Variants in PGR observed in about 807,000 individuals in gnomAD.
PGR encodes the protein nuclear receptor subfamily 3 group C member 3.
PGR carries 25 observed loss-of-function variants against 76.1 expected under a neutral mutation model. The observed-to-expected ratio is 0.33, with a 90% CI of 0.24 to 0.46. The LOEUF (loss-of-function observed/expected upper bound fraction) is 0.46, where lower values mean the gene tolerates loss of function less well. PGR is among the 20% of genes least tolerant of loss of function. The pLI is 1.00. For synonymous variants in PGR, 579 were observed against 535.0 expected, an observed-to-expected ratio of 1.08 and a Z score of -1.14; for missense variants, 1,172 against 1,225.3, an observed-to-expected ratio of 0.96 and a Z score of 0.65.
At chr11:101,078,612 C>G (rs1166928206) in intron 3 of PGR, among the ~76,000 whole-genome samples, 1 of 152,152 alleles carries the variant, frequency 6.6e-6, no homozygotes, top group African/African-American at 2.4e-5. Flanking sequence ...CAAAAGTTCA[C>G]TGTGACCTGT....
chr11:101,059,631 C>G (rs1199779167), intron 4 of PGR, among the ~76,000 whole-genome samples: 1 of 151,720 alleles, frequency 6.6e-6, no homozygotes, highest in Non-Finnish European at 1.5e-5. Flanking sequence ...TCCAGGAGTT[C>G]AAGACCAGCC....
chr11:101,056,404 C>A (rs373546036), intron 4 of PGR, among the ~76,000 whole-genome samples: 12 of 151,868 alleles, frequency 7.9e-5, no homozygotes, highest in Non-Finnish European at 1.3e-4. Context: ...CTTTGGGAGG[C>A]GAGGCAGGAG....
At chr11:101,091,642 C>T in intron 3 of PGR, 118 bp downstream of exon 3, 1 of 710,638 alleles carries the variant, frequency 1.4e-6, no homozygotes, top group Non-Finnish European at 2.6e-6. Flanking sequence ...GAGTCACTGC[C>T]AATAATCAAG....
At chr11:101,110,442 T>C (rs371041132) in intron 2 of PGR, among the ~76,000 whole-genome samples, 2 of 152,286 alleles carry the variant, frequency 1.3e-5, no homozygotes, top group Non-Finnish European at 1.5e-5. Flanking sequence ...AGTAACTGCA[T>C]ATGTGGTAGG....
At chr11:101,059,854 A>AAG (rs1860424927) in intron 4 of PGR, among the ~76,000 whole-genome samples, 2 of 136,642 alleles carry the variant, frequency 1.5e-5, no homozygotes, top group Non-Finnish European at 3.3e-5. Context: ...AAAAAAAAAA[A>AAG]AAAAAAAGAA....
rs1859348104 is a variant in PGR at position 101,031,449 on chromosome 11, GA to G, written c.*7666del. ...GAAATTGAATAAGGTAATCCAAAAA[GA>G]AGGCTCTTTTAGATGAAAAAACATG... On this transcript the variant is annotated 3_prime_UTR_variant, in exon 8 of 8. Coordinates refer to ENST00000325455, the MANE Select transcript of PGR (RefSeq NM_000926.4). 1 of 228,614 alleles carries G rather than the reference GA, an allele frequency of 4.4e-6. No homozygotes were observed. Among genetic ancestry groups the G allele is most frequent in the South Asian group, 1.8e-4 (1 of 5,492 alleles). 14.2% of individuals were successfully genotyped at this position (228,614 alleles called of 1,614,324 possible).
intron 2 of PGR, among the ~76,000 whole-genome samples, chr11:101,120,883 T>C (rs1236245350): frequency 1.3e-5 from 2 of 152,236 alleles, no homozygotes; most frequent in Non-Finnish European, 2.9e-5. Flanking sequence ...CACGCATGGC[T>C]AATACCACTG....
chr11:101,055,907 T>C (rs1025167105), intron 4 of PGR, among the ~76,000 whole-genome samples: 14 of 152,350 alleles, frequency 9.2e-5, no homozygotes, highest in African/African-American at 2.9e-4. Context: ...CCAATATTTA[T>C]AGCAGAAACT....
At chr11:101,076,975 A>G (rs1479969885) in intron 3 of PGR, among the ~76,000 whole-genome samples, 1 of 99,442 alleles carries the variant, frequency 1.0e-5, no homozygotes, top group Admixed American at 1.2e-4. Flanking sequence ...ACTGCCTCAT[A>G]ATTACCTCTT....
chr11:101,099,955 C>T (rs1175758524), intron 2 of PGR, among the ~76,000 whole-genome samples: 1 of 152,184 alleles, frequency 6.6e-6, no homozygotes, highest in Non-Finnish European at 1.5e-5. Flanking sequence ...CTTATTTGTT[C>T]TTCCCTTTAG....
At chr11:101,113,137 CAA>C (rs1196170903) in intron 2 of PGR, among the ~76,000 whole-genome samples, 1 of 152,172 alleles carries the variant, frequency 6.6e-6, no homozygotes, top group African/African-American at 2.4e-5. Flanking sequence ...GAATCATCCC[CAA>C]AGACTTGTTT....
rs189744061 is a variant in PGR at position 101,073,708 on chromosome 11, T to C, written c.1907-10956A>G. ...TCAGAGAATACTATAAACACCTCTA[T>C]GAAAATAAACTAGAAAATCTAGAAG... On this transcript the variant is annotated intron_variant, in intron 3 of 7. Coordinates refer to ENST00000325455, the MANE Select transcript of PGR (RefSeq NM_000926.4). Among the ~76,000 whole-genome samples, 425 of 152,102 alleles carry C rather than the reference T, an allele frequency of 2.8e-3. 1 individual carries two copies. Among genetic ancestry groups the C allele is most frequent in the African/African-American group, 9.9e-3 (410 of 41,518 alleles).
rs1306733063 is a variant in PGR at position 101,127,967 on chromosome 11, C to T, written c.1104G>A (p.Glu368=). The part of the protein sequence containing the change: ...FPDCAYPPDA[E]PKDDAYPLYS... Reference sequence around the variant, plus strand: ...AGAGAGGGTACGCGTCGTCCTTGGGCTCGGCGTCGGGCGGGTACGCGCAGT... The same window carrying T: ...AGAGAGGGTACGCGTCGTCCTTGGGTTCGGCGTCGGGCGGGTACGCGCAGT... Residue 368 remains glutamate (E), a synonymous_variant, in exon 1 of 8, where the codon GAG becomes GAA. Transcript: ENST00000325455. 6.2e-7 allele frequency: 1 copy of T among 1,611,980 alleles called. No individual in the cohort carries two copies. Among genetic ancestry groups the T allele is most frequent in the Non-Finnish European group, 8.5e-7 (1 of 1,179,794 alleles).
chr11:101,094,269 T>A (rs1468065359), intron 2 of PGR, among the ~76,000 whole-genome samples: 1 of 152,242 alleles, frequency 6.6e-6, no homozygotes, highest in Non-Finnish European at 1.5e-5. Context: ...ATGTGGTAAT[T>A]TGACTTGTAT....
At chr11:101,126,655 A>G (rs569756437) in intron 1 of PGR, among the ~76,000 whole-genome samples, 1 of 152,352 alleles carries the variant, frequency 6.6e-6, no homozygotes, top group South Asian at 2.1e-4. Context: ...GTATTGTCCA[A>G]TACACTGACA....
intron 3 of PGR, among the ~76,000 whole-genome samples, chr11:101,077,679 G>T (rs1023134213): frequency 1.3e-5 from 2 of 152,116 alleles, no homozygotes; most frequent in Non-Finnish European, 2.9e-5. Flanking sequence ...AAAGAAATGA[G>T]AATGAATAGT....
chr11:101,061,440 A>G (rs1306251436), intron 4 of PGR, among the ~76,000 whole-genome samples: 1 of 152,190 alleles, frequency 6.6e-6, no homozygotes, highest in Non-Finnish European at 1.5e-5. Flanking sequence ...TTGAATTTTC[A>G]GTAACAATTC....
At chr11:101,051,593 G>A (rs1453315381) in intron 4 of PGR, 25 bp from the exon 5 acceptor site, 1 of 1,552,420 alleles carries the variant, frequency 6.4e-7, no homozygotes, top group African/African-American at 1.4e-5. Context: ...TAAAAATACA[G>A]TGACCATAAA....
rs896689088 is a variant in PGR, at chr11:101,031,008, G to A, written c.*8108C>T. ...CAAGCCTTTTATGCTTGCCTGTAAAGTCTGCAACATCTTAGAGAAGCTTGG... is the reference window on the plus strand; with the variant it reads ...CAAGCCTTTTATGCTTGCCTGTAAAATCTGCAACATCTTAGAGAAGCTTGG... On this transcript the variant is annotated 3_prime_UTR_variant, in exon 8 of 8. Coordinates refer to ENST00000325455, the MANE Select transcript of PGR (RefSeq NM_000926.4). 5.3e-6 allele frequency: 1 copy of A among 189,466 alleles called. No individual in the cohort carries two copies. Among genetic ancestry groups the A allele is most frequent in the African/African-American group, 2.3e-5 (1 of 42,878 alleles). The allele number at this position is 189,466 out of a possible 1,614,324, so 11.7% of individuals were successfully genotyped here. A position where few individuals can be genotyped will look rare whatever the true frequency, so the allele number is the denominator to read the frequency against.
Sources: allele counts gnomAD v4.1 joint callset (sites outside exome capture counted in the v4.1 genomes callset), GRCh38; gene constraint gnomAD v4.1.1; transcripts MANE v1.5; gene names NCBI Gene and HGNC (gene_info 2026-07-23, HGNC 2026-07-21).